CSMD3: variants seen among roughly 807,000 people sequenced by gnomAD.
CSMD3 encodes the protein CUB and Sushi multiple domains 3, also known as CUB and sushi domain-containing protein 3.
CSMD3 carries 177 observed loss-of-function variants against 435.2 expected under a neutral mutation model. The ratio of observed to expected loss-of-function variants is 0.41; its 90% CI spans 0.36 to 0.46. The LOEUF (loss-of-function observed/expected upper bound fraction) is 0.46, where lower values mean the gene tolerates loss of function less well. Ranked by LOEUF, CSMD3 falls within the 20% of genes least tolerant of loss-of-function variation. The probability of loss-of-function intolerance (pLI) is 0.34; values close to 1 mark genes in which losing one functional copy is unlikely to be tolerated. For missense variants in CSMD3, 4,265 were observed against 4,504.6 expected (o/e 0.95, Z 1.52); for synonymous variants, 1,656 against 1,520.5 (o/e 1.09, Z -2.07).
At chr8:112,461,085 A>G (rs990097997) in intron 32 of CSMD3, among the ~76,000 whole-genome samples, 3 of 152,114 alleles carry the variant, frequency 2.0e-5, no homozygotes, top group Admixed American at 6.6e-5. Flanking sequence ...AAATCATATG[A>G]GTCACCAAAA....
At chr8:112,793,843 G>A (rs1232124967) in intron 13 of CSMD3, among the ~76,000 whole-genome samples, 2 of 152,318 alleles carry the variant, frequency 1.3e-5, no homozygotes, top group Middle Eastern at 3.4e-3. Context: ...ATGGTTCACT[G>A]TGTATGGAGA....
intron 11 of CSMD3, among the ~76,000 whole-genome samples, chr8:112,839,669 GT>G (rs535540487): frequency 1.1e-4 from 17 of 151,244 alleles, no homozygotes; most frequent in African/African-American, 4.1e-4. Flanking sequence ...CTCTTTTTCT[GT>G]TTTTTTGTCC....
intron 1 of CSMD3, among the ~76,000 whole-genome samples, chr8:113,365,582 A>G (rs72670787): frequency 0.098 from 14,949 of 151,976 alleles, 853 homozygotes; most frequent in Middle Eastern, 0.16. Flanking sequence ...CTAAAAATAG[A>G]TTATGTACAT....
Position 113,321,472 on chromosome 8 carries a change from C to G in CSMD3, c.179-6679G>C, listed in dbSNP as rs1190291227. 3.3e-5 allele frequency among the ~76,000 whole-genome samples: 5 copies of G among 152,136 alleles called. No homozygotes were observed. In the East Asian group the frequency reaches 9.6e-4, roughly 29 times the overall value. On this transcript the variant is annotated intron_variant, in intron 1 of 70. Coordinates refer to ENST00000297405, the MANE Select transcript of CSMD3 (RefSeq NM_198123.2). ...TCAAAGTCCTCAAAATGTTCACTTA[C>G]TAGATATTAAGGTAAAGTGTCACTT... is the stretch of plus-strand genomic sequence containing the variant.
intron 2 of CSMD3, among the ~76,000 whole-genome samples, chr8:113,282,116 A>G (rs912468702): frequency 2.0e-5 from 3 of 152,006 alleles, no homozygotes; most frequent in East Asian, 1.9e-4. Context: ...CATAGCCAAC[A>G]TAATACTGAA....
intron 13 of CSMD3, among the ~76,000 whole-genome samples, chr8:112,737,820 G>A (rs758210512): frequency 2.0e-4 from 30 of 151,850 alleles, no homozygotes; most frequent in South Asian, 4.1e-4. Context: ...ATACAATTCC[G>A]AAATGTAACA....
chr8:112,353,150 G>T (rs900262456), intron 38 of CSMD3, among the ~76,000 whole-genome samples: 13 of 152,162 alleles, frequency 8.5e-5, no homozygotes, highest in Non-Finnish European at 1.6e-4. Flanking sequence ...CAGCACTTTG[G>T]GGGGCTGAGG....
At chr8:113,126,973 T>C (rs1478839479) in intron 4 of CSMD3, among the ~76,000 whole-genome samples, 1 of 152,042 alleles carries the variant, frequency 6.6e-6, no homozygotes, top group East Asian at 1.9e-4. Context: ...GCTTCCAGCA[T>C]AATCTTACTC....
chr8:112,521,930 T>G lies in CSMD3; in HGVS notation c.4565-4705A>C, dbSNP rs1013029335. 2.0e-5 allele frequency among the ~76,000 whole-genome samples: 3 copies of G among 151,952 alleles called. No individual in the cohort carries two copies. The South Asian group carries it at 6.2e-4, about 31-fold the overall frequency. ...TTATTATAATAACCATATAAAAATA[T>G]GTTTTAGAAATTGTTCAAAATAGAA... On this transcript the variant is annotated intron_variant, in intron 27 of 70. Transcript: ENST00000297405.
At chr8:113,095,496 C>A (rs1417220753) in intron 5 of CSMD3, among the ~76,000 whole-genome samples, 1 of 152,122 alleles carries the variant, frequency 6.6e-6, no homozygotes, top group Admixed American at 6.6e-5. Flanking sequence ...GTTATTACAT[C>A]CAGTGATCAG....
intron 22 of CSMD3, among the ~76,000 whole-genome samples, chr8:112,591,049 T>C (rs1831146335): frequency 6.6e-6 from 1 of 152,108 alleles, no homozygotes; most frequent in Non-Finnish European, 1.5e-5. Context: ...AAACATTACA[T>C]AATTTAGCAG....
At chr8:112,397,589 A>T (rs1830960771) in intron 35 of CSMD3, among the ~76,000 whole-genome samples, 1 of 152,146 alleles carries the variant, frequency 6.6e-6, no homozygotes, top group Admixed American at 6.5e-5. Context: ...ATGTCTGCTG[A>T]GGGCCCCTTT....
chr8:112,599,442 A>C (rs1359247098), intron 22 of CSMD3, among the ~76,000 whole-genome samples: 3 of 149,418 alleles, frequency 2.0e-5, no homozygotes, highest in African/African-American at 4.9e-5. Context: ...TAGTTCAACC[A>C]TTGTGGAAGT....
chr8:112,365,463 A>T (rs1366184851), intron 38 of CSMD3, among the ~76,000 whole-genome samples: 8 of 129,672 alleles, frequency 6.2e-5, no homozygotes, highest in South Asian at 2.5e-4. Flanking sequence ...TTACGCATAG[A>T]TTTCCTTTTT....
intron 3 of CSMD3, among the ~76,000 whole-genome samples, chr8:113,189,660 G>A (rs1233356711): frequency 3.3e-5 from 5 of 151,732 alleles, no homozygotes; most frequent in Non-Finnish European, 7.4e-5. Context: ...TCTCCAAACT[G>A]TTTCTGAATG....
At chr8:112,413,378 A>T (rs1492675) in intron 32 of CSMD3, among the ~76,000 whole-genome samples, 34,463 of 152,116 alleles carry the variant, frequency 0.23, 4,260 homozygotes, top group East Asian at 0.44. Context: ...TGTTTCAATA[A>T]GCATTTGTTT....
intron 27 of CSMD3, among the ~76,000 whole-genome samples, chr8:112,529,467 G>A (rs1586608916): frequency 1.3e-5 from 2 of 152,184 alleles, no homozygotes. Context: ...CATGTCTGTA[G>A]TCTCAGCTAC....
chr8:112,938,963 A>T (rs953531944), intron 9 of CSMD3, among the ~76,000 whole-genome samples: 1 of 152,152 alleles, frequency 6.6e-6, no homozygotes, highest in African/African-American at 2.4e-5. Context: ...GTGTTAATAC[A>T]TTTAAAAAAT....
At chr8:112,875,341 A>G (rs1209988724) in intron 10 of CSMD3, among the ~76,000 whole-genome samples, 2 of 151,978 alleles carry the variant, frequency 1.3e-5, no homozygotes, top group Non-Finnish European at 2.9e-5. Flanking sequence ...CTTGCTGCCT[A>G]CACTTAACAT....
Sources: gnomAD v4.1 joint callset for allele counts (sites outside exome capture counted in the v4.1 genomes callset) on GRCh38, gnomAD v4.1.1 for gene constraint, MANE v1.5 for transcripts, NCBI Gene and HGNC (gene_info 2026-07-23, HGNC 2026-07-21) for gene names.